The following CDK14 variants were observed in gnomAD, a reference collection of about 807,000 sequenced individuals.
CDK14 encodes cyclin dependent kinase 14, also known as cyclin-dependent kinase 14.
In CDK14, 34 loss-of-function variants were observed where a neutral mutation model predicts 60.7. The ratio of observed to expected loss-of-function variants is 0.56; its 90% CI spans 0.43 to 0.75. CDK14 has a LOEUF of 0.75. Among genes scored for constraint, CDK14 ranks in the 30% least tolerant of loss-of-function variants. The pLI is 0.00. For synonymous variants in CDK14, 197 were observed against 203.7 expected, an observed-to-expected ratio of 0.97 and a Z score of 0.28; for missense variants, 482 against 564.1, an observed-to-expected ratio of 0.85 and a Z score of 1.47.
intron 8 of CDK14, among the ~76,000 whole-genome samples, chr7:90,945,184 G>A (rs1490522454): frequency 6.6e-6 from 1 of 152,178 alleles, no homozygotes; most frequent in Non-Finnish European, 1.5e-5. Context: ...AAGATTTTTA[G>A]CAGAGAACTG....
intron 14 of CDK14, among the ~76,000 whole-genome samples, chr7:91,152,523 T>C (rs556311344): frequency 2.0e-5 from 3 of 152,352 alleles, no homozygotes; most frequent in Admixed American, 6.5e-5. Context: ...GCTTCCAGAA[T>C]TTTCTTCAAA....
At chr7:90,871,258 G>A (rs1347916473) in intron 6 of CDK14, among the ~76,000 whole-genome samples, 1 of 152,064 alleles carries the variant, frequency 6.6e-6, no homozygotes, top group African/African-American at 2.4e-5. Flanking sequence ...GAATTATCAT[G>A]GGGATAAGTA....
At chr7:91,003,775 T>A (rs1317016125) in intron 10 of CDK14, among the ~76,000 whole-genome samples, 1 of 152,196 alleles carries the variant, frequency 6.6e-6, no homozygotes, top group African/African-American at 2.4e-5. Context: ...AACCTCTAGC[T>A]GGGTCACTGG....
chr7:90,746,816 G>A (rs1376955652), intron 3 of CDK14, among the ~76,000 whole-genome samples: 10 of 152,086 alleles, frequency 6.6e-5, no homozygotes. Context: ...GTTGTTTTGT[G>A]GCAGCTATAC....
intron 12 of CDK14, among the ~76,000 whole-genome samples, chr7:91,086,977 A>G (rs1027369168): frequency 1.3e-5 from 2 of 152,166 alleles, no homozygotes; most frequent in Non-Finnish European, 2.9e-5. Flanking sequence ...CCCAGGCTGC[A>G]GTGGCATGAT....
At chr7:90,619,139 G>C (rs150199843) in intron 2 of CDK14, among the ~76,000 whole-genome samples, 1 of 152,108 alleles carries the variant, frequency 6.6e-6, no homozygotes, top group African/African-American at 2.4e-5. Flanking sequence ...AGTGTGATGC[G>C]TGGATCCCAG....
intron 11 of CDK14, among the ~76,000 whole-genome samples, chr7:91,050,099 G>A (rs999728320): frequency 6.6e-6 from 1 of 152,348 alleles, no homozygotes; most frequent in East Asian, 1.9e-4. Flanking sequence ...ATGGGGAGGA[G>A]TGGAGGGCTG....
At chr7:90,777,093 G>A (rs1344179132) in intron 4 of CDK14, among the ~76,000 whole-genome samples, 1 of 151,792 alleles carries the variant, frequency 6.6e-6, no homozygotes, top group Non-Finnish European at 1.5e-5. Flanking sequence ...TAGACTTGCA[G>A]AACACTGTAG....
chr7:91,204,945 CAA>C (rs746772700), intron 14 of CDK14, among the ~76,000 whole-genome samples: 36 of 113,434 alleles, frequency 3.2e-4, no homozygotes, highest in Non-Finnish European at 3.6e-4. Context: ...AAGACCCAGT[CAA>C]AAAAAAAAAA....
At chr7:90,938,810 A>G (rs1490752671) in intron 8 of CDK14, among the ~76,000 whole-genome samples, 1 of 152,188 alleles carries the variant, frequency 6.6e-6, no homozygotes, top group African/African-American at 2.4e-5. Flanking sequence ...TTTGATTTTG[A>G]ACACTAATTC....
chr7:90,781,388 T>A (rs1805312738), intron 4 of CDK14, among the ~76,000 whole-genome samples: 2 of 152,024 alleles, frequency 1.3e-5, no homozygotes, highest in Non-Finnish European at 2.9e-5. Context: ...CTGATGGTAG[T>A]TTCTTTTGCT....
chr7:91,111,892 T>C (rs1226205561), intron 12 of CDK14, among the ~76,000 whole-genome samples: 1 of 152,198 alleles, frequency 6.6e-6, no homozygotes, highest in Non-Finnish European at 1.5e-5. Context: ...TGAAAGACTT[T>C]ATTATTACGC....
chr7:90,873,995 C>T (rs1791464847), intron 6 of CDK14, among the ~76,000 whole-genome samples: 1 of 152,144 alleles, frequency 6.6e-6, no homozygotes, highest in Non-Finnish European at 1.5e-5. Flanking sequence ...ACATAGTGTA[C>T]TGTGACTACT....
In CDK14 at chr7:90,709,581, G is replaced by C. The variant is rs528429762; in HGVS notation, c.124-16986G>C. 4 of 1,613,050 alleles carry C rather than the reference G, an allele frequency of 2.5e-6. No individual in the cohort carries two copies. In the South Asian group the frequency reaches 4.4e-5, roughly 18 times the overall value. ...TGGCTGCAATGCTGCTGCAGAGCCC[G>C]GTTACTCTGCCTTCGTGGGAACTCC... On this transcript the variant is annotated intron_variant, in intron 2 of 14. Transcript: ENST00000380050.
intron 8 of CDK14, among the ~76,000 whole-genome samples, chr7:90,948,606 T>A (rs1202060083): frequency 6.6e-6 from 1 of 152,236 alleles, no homozygotes. Context: ...TCAGATGGTC[T>A]CTGTCAACTA....
chr7:90,641,730 T>C (rs1315299910), intron 2 of CDK14, among the ~76,000 whole-genome samples: 2 of 152,226 alleles, frequency 1.3e-5, no homozygotes, highest in Non-Finnish European at 2.9e-5. Context: ...ATGGATTTTG[T>C]TGATGTTTGG....
intron 2 of CDK14, among the ~76,000 whole-genome samples, chr7:90,635,280 G>C (rs1038006567): frequency 6.6e-6 from 1 of 152,238 alleles, no homozygotes; most frequent in Non-Finnish European, 1.5e-5. Flanking sequence ...TAACATGTAA[G>C]TCTTTAATCC....
intron 2 of CDK14, among the ~76,000 whole-genome samples, chr7:90,698,067 C>CAAAAAAAAAAAAAAAAA (rs71104484): frequency 1.2e-4 from 9 of 75,716 alleles, no homozygotes; most frequent in Admixed American, 1.9e-4. Context: ...GACTCTGTCT[C>CAAAAAAAAAAAAAAAAA]AAAAAAAAAA....
intron 14 of CDK14, among the ~76,000 whole-genome samples, chr7:91,165,171 CACAGT>C (rs1176669491): frequency 1.1e-4 from 16 of 152,164 alleles, no homozygotes; most frequent in South Asian, 1.0e-3. Flanking sequence ...AAGCATTATG[CACAGT>C]AGTAACTAAC....
Sources: gnomAD v4.1 joint callset for allele counts (sites outside exome capture counted in the v4.1 genomes callset) on GRCh38, gnomAD v4.1.1 for gene constraint, MANE v1.5 for transcripts, NCBI Gene and HGNC (gene_info 2026-07-23, HGNC 2026-07-21) for gene names.